The following SAMD8 variants were observed in gnomAD, a reference collection of about 807,000 sequenced individuals.
SAMD8 encodes sterile alpha motif domain containing 8.
SAMD8 carries 20 observed loss-of-function variants against 42.0 expected under a neutral mutation model. The observed-to-expected ratio is 0.48, with a 90% CI of 0.34 to 0.69. SAMD8 has a LOEUF of 0.69. SAMD8 is among the 30% of genes least tolerant of loss of function. The probability of loss-of-function intolerance (pLI) is 0.01; values close to 1 mark genes in which losing one functional copy is unlikely to be tolerated. For synonymous variants in SAMD8, 162 were observed against 173.0 expected, an observed-to-expected ratio of 0.94 and a Z score of 0.50; for missense variants, 328 against 511.6, an observed-to-expected ratio of 0.64 and a Z score of 3.46.
intron 2 of SAMD8, among the ~76,000 whole-genome samples, chr10:75,160,654 T>C (rs1840536835): frequency 6.6e-6 from 1 of 152,196 alleles, no homozygotes; most frequent in Non-Finnish European, 1.5e-5. Context: ...GTGAAGAAAC[T>C]GTATAATCCC....
At chr10:75,148,645 G>A (rs1221724842) in intron 1 of SAMD8, among the ~76,000 whole-genome samples, 4 of 152,238 alleles carry the variant, frequency 2.6e-5, no homozygotes, top group African/African-American at 4.8e-5. Context: ...GAGCCACCGC[G>A]CCCGGCCGCA....
intron 1 of SAMD8, among the ~76,000 whole-genome samples, chr10:75,144,181 G>A (rs1020385372): frequency 2.8e-4 from 36 of 127,716 alleles, no homozygotes; most frequent in Admixed American, 2.8e-3. Flanking sequence ...TGTTAGCCAG[G>A]ATGGTCTCCA....
chr10:75,138,944 T>C (rs966156262), intron 1 of SAMD8, among the ~76,000 whole-genome samples: 17 of 151,000 alleles, frequency 1.1e-4, no homozygotes, highest in African/African-American at 3.9e-4. Context: ...CCTTTGATGC[T>C]TAAGTGGTTT....
chr10:75,108,293 G>C (rs916645532), upstream of SAMD8: 5 of 1,506,792 alleles, frequency 3.3e-6, no homozygotes, highest in Admixed American at 2.2e-5. Flanking sequence ...GCTGCAGAGG[G>C]ACCGAGCCAT....
intron 2 of SAMD8, among the ~76,000 whole-genome samples, chr10:75,152,445 C>T (rs1031536077): frequency 6.7e-6 from 1 of 149,148 alleles, no homozygotes; most frequent in Non-Finnish European, 1.5e-5. Context: ...TGGCGTGAAC[C>T]CGGGAGGCGG....
At chr10:75,168,933 G>C (rs535732695) in intron 4 of SAMD8, among the ~76,000 whole-genome samples, 15 of 152,052 alleles carry the variant, frequency 9.9e-5, no homozygotes, top group African/African-American at 3.6e-4. Flanking sequence ...AGCACTTTGG[G>C]AGGCCGAGGC....
At chr10:75,149,195 C>A (rs896815546) in intron 1 of SAMD8, among the ~76,000 whole-genome samples, 7 of 151,880 alleles carry the variant, frequency 4.6e-5, no homozygotes, top group African/African-American at 1.7e-4. Context: ...TGTTTTTTTC[C>A]ATGTAGGCCT....
chr10:75,120,802 A>G (rs191104221), intron 1 of SAMD8, among the ~76,000 whole-genome samples: 2,195 of 92,632 alleles, frequency 0.024, 79 homozygotes, highest in African/African-American at 0.086. Context: ...TTTTTTTGAG[A>G]CGAAATCTCA....
chr10:75,103,858 C>A, intron 1 of SAMD8: 1 of 1,280,738 alleles, frequency 7.8e-7, no homozygotes, highest in South Asian at 1.3e-5. Context: ...GGCCAAGAAG[C>A]CTGAGGGCTT....
In SAMD8 at chr10:75,179,291, G is replaced by C. The variant is rs1841042237; in HGVS notation, c.*2599G>C. On this transcript the variant is annotated 3_prime_UTR_variant, in exon 6 of 6. Transcript: ENST00000542569. ...AGCCCAAGGAGGTTGAGGCTACAGT[G>C]AGCTGTAATCATGCCACTGCACTCC... The C allele has an allele frequency of 6.6e-6, 1 of 152,200 alleles. No individual in the cohort carries two copies. Among genetic ancestry groups the C allele is most frequent in the Admixed American group, 6.5e-5 (1 of 15,274 alleles). The allele number at this position is 152,200 out of a possible 1,614,324, so 9.4% of individuals were successfully genotyped here. A position where few individuals can be genotyped will look rare whatever the true frequency, so the allele number is the denominator to read the frequency against.
chr10:75,112,850 T>G (rs992073648), intron 1 of SAMD8, among the ~76,000 whole-genome samples: 1 of 152,228 alleles, frequency 6.6e-6, no homozygotes, highest in Non-Finnish European at 1.5e-5. Flanking sequence ...AGTTGACACA[T>G]GTATTTGCCA....
intron 1 of SAMD8, among the ~76,000 whole-genome samples, chr10:75,121,251 CTG>C (rs1848998740): frequency 6.6e-6 from 1 of 152,160 alleles, no homozygotes; most frequent in South Asian, 2.1e-4. Flanking sequence ...GGTCACATAA[CTG>C]TGAGTGGTAA....
At chr10:75,131,670 A>G (rs1849276652) in intron 1 of SAMD8, among the ~76,000 whole-genome samples, 2 of 152,200 alleles carry the variant, frequency 1.3e-5, no homozygotes, top group Admixed American at 1.3e-4. Context: ...AATATTTTTT[A>G]AAAATCTATA....
In SAMD8 at chr10:75,176,101, C is replaced by T; in HGVS notation, c.828C>T (p.Ala276=). 2.5e-6 allele frequency: 4 copies of T among 1,614,166 alleles called. No homozygotes were observed. Among genetic ancestry groups the T allele is most frequent in the Non-Finnish European group, 3.4e-6 (4 of 1,180,024 alleles). ...YGSVWEKLHR[A]FAIWSGFGMT... ...GTGTATGGGAGAAATTACATCGAGC[C>T]TTTGCCATTTGGAGTGGCTTTGGTA... The change falls in exon 5 of 6, where the codon GCC becomes GCT. Residue 276 remains alanine, a synonymous_variant. Transcript: ENST00000542569. This position sits in a 1 kb window ranked among gnomAD's most constrained non-coding sequence, Gnocchi z 4.3.
rs573786840 is a variant in SAMD8 at position 75,178,612 on chromosome 10, C to G, written c.*1920C>G. On this transcript the variant is annotated 3_prime_UTR_variant, in exon 6 of 6. Transcript: ENST00000542569. ...AGTGCAGTGGTGCAAGGCTATAGTC[C>G]CAGGTTCTGAGGAGGCTGAGGCAGG... 1 of 152,272 alleles carries G rather than the reference C, an allele frequency of 6.6e-6. No homozygotes were observed. Among genetic ancestry groups the G allele is most frequent in the South Asian group, 2.1e-4 (1 of 4,824 alleles). The allele number at this position is 152,272 out of a possible 1,614,324, so 9.4% of individuals were successfully genotyped here.
intron 4 of SAMD8, among the ~76,000 whole-genome samples, chr10:75,172,842 C>T (rs1323725442): frequency 2.0e-5 from 3 of 152,000 alleles, no homozygotes; most frequent in Non-Finnish European, 4.4e-5. Flanking sequence ...CTTTGCTGCT[C>T]AGGCTGGTCT....
chr10:75,168,084 C>T (rs1248650797), intron 3 of SAMD8, among the ~76,000 whole-genome samples: 1 of 151,768 alleles, frequency 6.6e-6, no homozygotes, highest in East Asian at 1.9e-4. Context: ...GCAACCTCCA[C>T]CTCCCGGGTT....
upstream of SAMD8, chr10:75,109,054 CAAG>C: frequency 6.2e-7 from 1 of 1,612,172 alleles, no homozygotes; most frequent in Non-Finnish European, 8.5e-7. Context: ...CACACGGCTG[CAAG>C]AAGACTTCCC....
intron 1 of SAMD8, among the ~76,000 whole-genome samples, chr10:75,103,056 T>C (rs1848275849): frequency 6.6e-6 from 1 of 152,174 alleles, no homozygotes; most frequent in Non-Finnish European, 1.5e-5. Context: ...AAGGCTGCAG[T>C]GAGCCCTAAT....
Sources: allele counts gnomAD v4.1 joint callset (sites outside exome capture counted in the v4.1 genomes callset), GRCh38; gene constraint gnomAD v4.1.1; non-coding constraint Gnocchi (gnomAD v3.1); transcripts MANE v1.5; gene names NCBI Gene and HGNC (gene_info 2026-07-23, HGNC 2026-07-21).